Variants in SYT16 observed in about 807,000 individuals in gnomAD.
SYT16 encodes the protein synaptotagmin 16.
In SYT16, 42 loss-of-function variants were observed where a neutral mutation model predicts 61.4. The ratio of observed to expected loss-of-function variants is 0.68; its 90% CI spans 0.53 to 0.89. The LOEUF (loss-of-function observed/expected upper bound fraction) is 0.89, where lower values mean the gene tolerates loss of function less well. Ranked by LOEUF, SYT16 falls within the 40% of genes least tolerant of loss-of-function variation. SYT16 has a pLI of 0.00. For missense variants in SYT16, 804 were observed against 807.3 expected (o/e 1.00, Z 0.05); for synonymous variants, 314 against 302.3 (o/e 1.04, Z -0.40).
intron 3 of SYT16, among the ~76,000 whole-genome samples, chr14:62,005,393 C>A (rs764390995): frequency 1.3e-5 from 2 of 152,122 alleles, no homozygotes; most frequent in South Asian, 2.1e-4. Context: ...AGGGAACTCA[C>A]GACTGTGTTG....
At chr14:62,069,511 C>A in intron 3 of SYT16, 92 bp from the exon 4 acceptor site, 1 of 1,272,626 alleles carries the variant, frequency 7.9e-7, no homozygotes, top group Non-Finnish European at 1.1e-6. Flanking sequence ...ACTCATTGTC[C>A]ACGTTCTTCT....
chr14:61,906,356 T>G (rs1020560675), intron 1 of SYT16, among the ~76,000 whole-genome samples: 1 of 152,186 alleles, frequency 6.6e-6, no homozygotes, highest in Non-Finnish European at 1.5e-5. Flanking sequence ...AGTCATGGCT[T>G]GCTGTAGCCT....
At chr14:61,830,900 T>G (rs1235241916) in intron 1 of SYT16, among the ~76,000 whole-genome samples, 3 of 152,170 alleles carry the variant, frequency 2.0e-5, no homozygotes, top group Non-Finnish European at 1.5e-5. Flanking sequence ...GCAAGGATGG[T>G]CAACAGGGCT....
chr14:62,067,727 G>A (rs1379922163), intron 3 of SYT16, among the ~76,000 whole-genome samples: 1 of 152,184 alleles, frequency 6.6e-6, no homozygotes, highest in Admixed American at 6.5e-5. Context: ...TAGGCTGGGG[G>A]CATGGTGGCT....
chr14:61,897,567 G>A (rs2048367485), intron 1 of SYT16, among the ~76,000 whole-genome samples: 1 of 152,070 alleles, frequency 6.6e-6, no homozygotes, highest in Admixed American at 6.5e-5. Flanking sequence ...TCAGAATAAG[G>A]AGAATGGCTT....
At chr14:61,964,138 A>G (rs7143796) in intron 1 of SYT16, among the ~76,000 whole-genome samples, 93,912 of 151,984 alleles carry the variant, frequency 0.62, 29,444 homozygotes, top group East Asian at 0.78. Flanking sequence ...TCTGCAGCCA[A>G]TGGGTTCAAG....
chr14:61,969,737 A>G (rs963683178), intron 1 of SYT16, among the ~76,000 whole-genome samples: 2 of 152,182 alleles, frequency 1.3e-5, no homozygotes, highest in Non-Finnish European at 2.9e-5. Context: ...AGGCAGCTGC[A>G]TTTTTGGAGA....
intron 1 of SYT16, among the ~76,000 whole-genome samples, chr14:61,919,752 A>G (rs2049256092): frequency 9.5e-4 from 1 of 1,058 alleles, no homozygotes; most frequent in Non-Finnish European, 2.4e-3. Flanking sequence ...TTTGCCATGT[A>G]ACCTCTCATA....
At chr14:61,878,396 G>A (rs1255329811) in intron 1 of SYT16, among the ~76,000 whole-genome samples, 1 of 152,174 alleles carries the variant, frequency 6.6e-6, no homozygotes, top group African/African-American at 2.4e-5. Flanking sequence ...AAGTAGACTT[G>A]TTATCAGGAG....
intron 3 of SYT16, among the ~76,000 whole-genome samples, chr14:62,052,056 T>G (rs1222238572): frequency 1.3e-5 from 2 of 152,208 alleles, no homozygotes; most frequent in Non-Finnish European, 2.9e-5. Context: ...TTTCTTTATA[T>G]TAATATTTTT....
chr14:62,086,561 TA>T (rs1237472986), intron 7 of SYT16, among the ~76,000 whole-genome samples: 5 of 152,144 alleles, frequency 3.3e-5, no homozygotes, highest in Non-Finnish European at 7.3e-5. Flanking sequence ...TCCTCATCTA[TA>T]AAAAAGGAGT....
At chr14:61,892,187 C>T (rs2048159531) in intron 1 of SYT16, among the ~76,000 whole-genome samples, 2 of 152,052 alleles carry the variant, frequency 1.3e-5, no homozygotes, top group Non-Finnish European at 2.9e-5. Flanking sequence ...TCGCTTCTTC[C>T]TCGCATCTTT....
chr14:62,008,278 A>G (rs1343466809), intron 3 of SYT16, among the ~76,000 whole-genome samples: 1 of 152,010 alleles, frequency 6.6e-6, no homozygotes, highest in Non-Finnish European at 1.5e-5. Context: ...GAGTTTCTAA[A>G]ATGTGATTAT....
intron 3 of SYT16, among the ~76,000 whole-genome samples, chr14:61,999,206 A>G (rs929124172): frequency 1.3e-5 from 2 of 151,592 alleles, no homozygotes; most frequent in African/African-American, 4.8e-5. Flanking sequence ...TACAATTATT[A>G]TTTTTTAATG....
At chr14:61,841,782 C>G (rs1409501849) in intron 1 of SYT16, among the ~76,000 whole-genome samples, 1 of 151,896 alleles carries the variant, frequency 6.6e-6, no homozygotes, top group Non-Finnish European at 1.5e-5. Flanking sequence ...ATTTTTTTTG[C>G]TTTTGTGTTA....
At chr14:61,957,591 T>G (rs1008847704) in intron 1 of SYT16, among the ~76,000 whole-genome samples, 7 of 152,040 alleles carry the variant, frequency 4.6e-5, no homozygotes, top group Admixed American at 3.9e-4. Flanking sequence ...ATTATGTTAA[T>G]GAGGCATATT....
chr14:61,832,306 G>A, intron 1 of SYT16: 1 of 590,030 alleles, frequency 1.7e-6, no homozygotes. Flanking sequence ...CCGTGTGCTC[G>A]TACAGACACC....
intron 3 of SYT16, among the ~76,000 whole-genome samples, chr14:62,051,548 G>A (rs901921996): frequency 2.6e-5 from 4 of 152,142 alleles, no homozygotes; most frequent in Admixed American, 6.5e-5. Flanking sequence ...GAAATCACCC[G>A]TCTTCTGCAT....
At chr14:61,939,390 G>A (rs1287062408) in intron 1 of SYT16, among the ~76,000 whole-genome samples, 1 of 152,198 alleles carries the variant, frequency 6.6e-6, no homozygotes, top group Non-Finnish European at 1.5e-5. Flanking sequence ...TAGTCCACTA[G>A]TGCTGCTTTC....
Sources: allele counts gnomAD v4.1 joint callset (sites outside exome capture counted in the v4.1 genomes callset), GRCh38; gene constraint gnomAD v4.1.1; transcripts MANE v1.5; gene names NCBI Gene and HGNC (gene_info 2026-07-23, HGNC 2026-07-21).